CDIN1: variants seen among roughly 807,000 people sequenced by gnomAD.
CDIN1 encodes CDAN1 interacting nuclease 1, also known as CDAN1-interacting nuclease 1.
Under a neutral mutation model 45.3 loss-of-function variants are expected in CDIN1, and 33 were observed. That is an observed-to-expected ratio of 0.73 (90% CI 0.55 to 0.97). The LOEUF is 0.97. Among genes scored for constraint, CDIN1 ranks in the 50% least tolerant of loss-of-function variants. The pLI is 0.00. For synonymous variants in CDIN1, 118 were observed against 124.4 expected (o/e 0.95, Z 0.34); for missense variants, 303 against 339.4 (o/e 0.89, Z 0.84).
intron 10 of CDIN1, among the ~76,000 whole-genome samples, chr15:36,728,218 G>A (rs539753472): frequency 1.3e-5 from 2 of 152,224 alleles, no homozygotes; most frequent in Admixed American, 6.5e-5. Flanking sequence ...TGCTTCACTG[G>A]AATTGAAAAA....
chr15:36,710,162 C>T (rs2043005024), intron 10 of CDIN1, among the ~76,000 whole-genome samples: 1 of 152,112 alleles, frequency 6.6e-6, no homozygotes, highest in African/African-American at 2.4e-5. Context: ...CTAAAAATCT[C>T]TGCATAAGGT....
chr15:36,654,721 C>T (rs1197034704), intron 4 of CDIN1, among the ~76,000 whole-genome samples: 1 of 152,108 alleles, frequency 6.6e-6, no homozygotes, highest in Non-Finnish European at 1.5e-5. Flanking sequence ...TTCGTTAACT[C>T]TGATCTGCTT....
At chr15:36,663,668 G>A (rs2041114328) in intron 5 of CDIN1, among the ~76,000 whole-genome samples, 2 of 152,106 alleles carry the variant, frequency 1.3e-5, no homozygotes, top group Non-Finnish European at 2.9e-5. Context: ...CAGGATTTGT[G>A]TAATTCCTAG....
chr15:36,737,182 C>CAAA (rs1861385683), intron 10 of CDIN1, among the ~76,000 whole-genome samples: 1 of 147,990 alleles, frequency 6.8e-6, no homozygotes, highest in African/African-American at 2.5e-5. Flanking sequence ...AAAAAAAAAA[C>CAAA]AAAAATTGCT....
intron 5 of CDIN1, among the ~76,000 whole-genome samples, chr15:36,658,787 A>T (rs1204478670): frequency 2.0e-5 from 3 of 152,052 alleles, no homozygotes; most frequent in African/African-American, 4.8e-5. Flanking sequence ...TTGGATTTTT[A>T]TTTTTTTATA....
intron 1 of CDIN1, among the ~76,000 whole-genome samples, chr15:36,638,848 G>T (rs552829432): frequency 1.3e-5 from 2 of 152,298 alleles, no homozygotes; most frequent in South Asian, 4.1e-4. Context: ...TCATATAAAT[G>T]CTTAAGCAGG....
intron 1 of CDIN1, among the ~76,000 whole-genome samples, chr15:36,629,960 C>T (rs1050411399): frequency 6.6e-6 from 1 of 152,000 alleles, no homozygotes; most frequent in Non-Finnish European, 1.5e-5. Flanking sequence ...AAAGATCTGA[C>T]GGCTCTTTTA....
intron 5 of CDIN1, among the ~76,000 whole-genome samples, chr15:36,673,897 G>C (rs1459950969): frequency 2.0e-5 from 3 of 152,104 alleles, no homozygotes; most frequent in African/African-American, 7.2e-5. Context: ...TGTAAAGGGG[G>C]TGGGATGTTT....
intron 5 of CDIN1, among the ~76,000 whole-genome samples, chr15:36,668,625 A>C (rs971200306): frequency 6.6e-6 from 1 of 152,136 alleles, no homozygotes; most frequent in African/African-American, 2.4e-5. Flanking sequence ...TTATTTAATG[A>C]ATGTAAATCG....
intron 1 of CDIN1, among the ~76,000 whole-genome samples, chr15:36,616,868 TGAGCCGA>T (rs1193735784): frequency 6.6e-6 from 1 of 152,026 alleles, no homozygotes; most frequent in Non-Finnish European, 1.5e-5. Flanking sequence ...GAGGTTGCAG[TGAGCCGA>T]GATCGTGCTA....
intron 10 of CDIN1, among the ~76,000 whole-genome samples, chr15:36,716,480 T>C (rs2043219161): frequency 6.6e-6 from 1 of 152,200 alleles, no homozygotes; most frequent in African/African-American, 2.4e-5. Context: ...AGGCTAATTC[T>C]AGAATAATGG....
intron 10 of CDIN1, among the ~76,000 whole-genome samples, chr15:36,771,653 A>C (rs1366452193): frequency 1.3e-5 from 2 of 152,180 alleles, no homozygotes; most frequent in Admixed American, 6.5e-5. Flanking sequence ...CAGGTGAAAG[A>C]AGACAGTGGC....
At chr15:36,687,220 G>T (rs919258671) in intron 5 of CDIN1, among the ~76,000 whole-genome samples, 4 of 152,208 alleles carry the variant, frequency 2.6e-5, no homozygotes, top group African/African-American at 7.2e-5. Context: ...TGTATCAGTT[G>T]TAATGAATGT....
intron 4 of CDIN1, among the ~76,000 whole-genome samples, chr15:36,655,687 G>T (rs1487505208): frequency 6.6e-6 from 1 of 152,136 alleles, no homozygotes; most frequent in African/African-American, 2.4e-5. Flanking sequence ...TTAGTAACTT[G>T]AGGTATCTGA....
At chr15:36,614,910 C>G (rs1217893270) in intron 1 of CDIN1, among the ~76,000 whole-genome samples, 4 of 151,998 alleles carry the variant, frequency 2.6e-5, no homozygotes, top group Admixed American at 6.6e-5. Flanking sequence ...ATCTCTACCC[C>G]CTCCCAACTG....
At chr15:36,693,309 C>T (rs963490497) in intron 7 of CDIN1, among the ~76,000 whole-genome samples, 1 of 152,150 alleles carries the variant, frequency 6.6e-6, no homozygotes, top group African/African-American at 2.4e-5. Context: ...TCTGTTTCTC[C>T]AGTCTAGCTT....
At chr15:36,617,456 T>C in intron 1 of CDIN1, 1 of 989,260 alleles carries the variant, frequency 1.0e-6, no homozygotes, top group South Asian at 1.3e-5. Flanking sequence ...AAAGAATGTC[T>C]AAAGAAACAA....
chr15:36,747,594 A>T (rs1347292279), intron 10 of CDIN1, among the ~76,000 whole-genome samples: 2 of 152,336 alleles, frequency 1.3e-5, no homozygotes, highest in Non-Finnish European at 2.9e-5. Context: ...ATCTAATTTC[A>T]TGAGTGAAGA....
At chr15:36,596,178 A>G (rs1380243184) in intron 1 of CDIN1, among the ~76,000 whole-genome samples, 2 of 75,978 alleles carry the variant, frequency 2.6e-5, no homozygotes, top group Non-Finnish European at 5.0e-5. Flanking sequence ...TGATGTGAAA[A>G]AAAAAAGCTC....
Sources: gnomAD v4.1 joint callset for allele counts (sites outside exome capture counted in the v4.1 genomes callset) on GRCh38, gnomAD v4.1.1 for gene constraint, MANE v1.5 for transcripts, NCBI Gene and HGNC (gene_info 2026-07-23, HGNC 2026-07-21) for gene names.